The following SEC14L5 variants were observed in gnomAD, a reference collection of about 807,000 sequenced individuals.
SEC14L5 encodes the protein SEC14 like lipid binding 5, also known as SEC14-like protein 5.
A neutral mutation model predicts 84.6 loss-of-function variants in SEC14L5; 96 were observed. That is an observed-to-expected ratio of 1.13 (90% CI 0.96 to 1.34). The LOEUF (loss-of-function observed/expected upper bound fraction) is 1.34, where lower values mean the gene tolerates loss of function less well. SEC14L5 is among the 40% of genes most tolerant of loss of function. The probability of loss-of-function intolerance (pLI) is 0.00; values close to 1 mark genes in which losing one functional copy is unlikely to be tolerated. For missense variants in SEC14L5, 1,224 were observed against 942.5 expected, an observed-to-expected ratio of 1.30 and a Z score of -3.91; for synonymous variants, 546 against 383.4, an observed-to-expected ratio of 1.42 and a Z score of -4.95.
intron 2 of SEC14L5, among the ~76,000 whole-genome samples, chr16:4,977,477 A>AAAAG (rs1174375558): frequency 6.6e-6 from 1 of 150,532 alleles, no homozygotes; most frequent in East Asian, 1.9e-4. Context: ...AAAGGAAAAA[A>AAAAG]AAAGAAAAGA....
At chr16:4,980,130 G>C (rs935701416) in intron 2 of SEC14L5, among the ~76,000 whole-genome samples, 1 of 152,162 alleles carries the variant, frequency 6.6e-6, no homozygotes, top group African/African-American at 2.4e-5. Context: ...TGTAAAATGG[G>C]GAAATGCTAG....
chr16:4,963,417 C>A (rs1172913113), intron 2 of SEC14L5, among the ~76,000 whole-genome samples: 1 of 152,174 alleles, frequency 6.6e-6, no homozygotes, highest in Non-Finnish European at 1.5e-5. Flanking sequence ...ATGATCTTGG[C>A]TGACTGCAAC....
intron 8 of SEC14L5, 86 bp downstream of exon 8, chr16:4,997,130 A>G: frequency 1.0e-6 from 1 of 990,984 alleles, no homozygotes; most frequent in South Asian, 1.8e-5. Flanking sequence ...ATGGGGTCTC[A>G]CTCTGTCACC....
chr16:5,000,957 T>C (rs753379269), intron 10 of SEC14L5, 32 bp downstream of exon 10: 1 of 1,554,666 alleles, frequency 6.4e-7, no homozygotes, highest in Non-Finnish European at 8.8e-7. Context: ...AAATCCCCCC[T>C]AAACAGCAAA....
chr16:4,986,305 G>A (rs1290586174), intron 2 of SEC14L5, among the ~76,000 whole-genome samples: 1 of 151,896 alleles, frequency 6.6e-6, no homozygotes, highest in Non-Finnish European at 1.5e-5. Flanking sequence ...ACGCCCGGCT[G>A]CTTTTTGTAT....
In SEC14L5 at chr16:4,988,110, C is replaced by A. The variant is rs755998975; in HGVS notation, c.214-39C>A. On this transcript the variant is annotated intron_variant, in intron 3 of 15. Coordinates refer to ENST00000251170, the MANE Select transcript of SEC14L5 (RefSeq NM_014692.2). ...CTCTCCATTCCTGTGTGCTCCACGC[C>A]GCCCACCCACCTCCGCCTCCCCGCC... 3.1e-6 allele frequency: 5 copies of A among 1,609,200 alleles called. No homozygotes were observed. In the African/African-American group the frequency reaches 5.3e-5, roughly 17 times the overall value.
rs1338735650 is a variant in SEC14L5, at chr16:5,003,383, G to A, written c.1131-19G>A. On this transcript the variant is annotated intron_variant, in intron 10 of 15. Transcript: ENST00000251170. The stretch of plus-strand genomic sequence containing the variant: ...GGAGGCAGCAGAGCCAGGTGGAGCT[G>A]GGGCTATTTCTGCCACAGCTCCTGG... 2 of 1,606,624 alleles carry A rather than the reference G, an allele frequency of 1.2e-6. No homozygotes were observed. The highest frequency in any genetic ancestry group is 1.7e-6 in the Non-Finnish European group (2 of 1,176,146).
chr16:5,017,860 A>G lies in SEC14L5; in HGVS notation c.*2890A>G, dbSNP rs1955892903. The G allele has an allele frequency of 6.6e-6, 1 of 152,214 alleles. No individual in the cohort carries two copies. The highest frequency in any genetic ancestry group is 6.5e-5 in the Admixed American group (1 of 15,284). The allele number at this position is 152,214 out of a possible 1,614,324, so 9.4% of individuals were successfully genotyped here. A position where few individuals can be genotyped will look rare whatever the true frequency, so the allele number is the denominator to read the frequency against. ...AAATAATCCAAGGAAGGGATTGCCAAGCTTTTGGCTTTTGAATTTCCCCTG... is the reference window on the plus strand; with the variant it reads ...AAATAATCCAAGGAAGGGATTGCCAGGCTTTTGGCTTTTGAATTTCCCCTG... On this transcript the variant is annotated 3_prime_UTR_variant, in exon 16 of 16. Coordinates refer to ENST00000251170, the MANE Select transcript of SEC14L5 (RefSeq NM_014692.2).
At chr16:4,971,281 A>G (rs1955276179) in intron 2 of SEC14L5, among the ~76,000 whole-genome samples, 1 of 152,122 alleles carries the variant, frequency 6.6e-6, no homozygotes, top group African/African-American at 2.4e-5. Context: ...CAACACAGTG[A>G]GACCTTGTCT....
At position 5,010,197 on chromosome 16, in the gene SEC14L5, A is replaced by T. The variant is rs1955783040; in HGVS notation, c.1801-898A>T. Among the ~76,000 whole-genome samples, 11 of 90,862 alleles carry T rather than the reference A, an allele frequency of 1.2e-4. No homozygotes were observed. In the Admixed American group the frequency reaches 1.5e-3, roughly 12 times the overall value. 59.6% of individuals were successfully genotyped at this position (90,862 alleles called of 152,430 possible). On this transcript the variant is annotated intron_variant, in intron 14 of 15. Transcript: ENST00000251170. ...GTCTCTACTAAAAATACAAAAAAAAAAAAAAAAAAAAAAAAAAAAAGCGAG... is the reference window on the plus strand; with the variant it reads ...GTCTCTACTAAAAATACAAAAAAAATAAAAAAAAAAAAAAAAAAAAGCGAG...
chr16:4,983,536 A>T (rs1001147250), intron 2 of SEC14L5, among the ~76,000 whole-genome samples: 1 of 150,026 alleles, frequency 6.7e-6, no homozygotes, highest in Non-Finnish European at 1.5e-5. Flanking sequence ...GTGTATATTT[A>T]TATTAACATA....
In SEC14L5 at chr16:5,000,890, T is replaced by C. The variant is rs1039553914; in HGVS notation, c.1095T>C (p.Cys365=). ...LSVNEEGQKR[C]EGSTRQLGRP... The stretch of plus-strand genomic sequence containing the variant: ...TCAACGAGGAAGGACAGAAGCGGTG[T>C]GAGGGGAGCACAAGGCAGCTGGGCC... Residue 365 remains cysteine, a synonymous_variant, in exon 10 of 16, where the codon TGT becomes TGC. Coordinates refer to ENST00000251170, the MANE Select transcript of SEC14L5 (RefSeq NM_014692.2). The C allele has an allele frequency of 1.2e-6, 2 of 1,609,332 alleles. No homozygotes were observed. Among genetic ancestry groups the C allele is most frequent in the Non-Finnish European group, 1.7e-6 (2 of 1,178,010 alleles).
At chr16:4,998,178 G>C (rs976215288) in intron 8 of SEC14L5, among the ~76,000 whole-genome samples, 1 of 151,230 alleles carries the variant, frequency 6.6e-6, no homozygotes, top group African/African-American at 2.4e-5. Flanking sequence ...GCTAATTTTT[G>C]TACTTTTAGT....
intron 2 of SEC14L5, among the ~76,000 whole-genome samples, chr16:4,968,999 C>T (rs1955239837): frequency 6.6e-6 from 1 of 152,250 alleles, no homozygotes; most frequent in East Asian, 1.9e-4. Flanking sequence ...CAGTTGGATT[C>T]GCTGTTACGG....
At chr16:4,967,358 C>A (rs986276173) in intron 2 of SEC14L5, among the ~76,000 whole-genome samples, 15 of 152,054 alleles carry the variant, frequency 9.9e-5, no homozygotes, top group African/African-American at 3.4e-4. Flanking sequence ...AAGGACACTC[C>A]AATGGCCTCG....
intron 11 of SEC14L5, among the ~76,000 whole-genome samples, chr16:5,005,271 C>A (rs549509845): frequency 4.0e-5 from 6 of 151,510 alleles, no homozygotes; most frequent in East Asian, 2.0e-4. Flanking sequence ...GCCAAGATTG[C>A]GCCATTGCAC....
chr16:5,010,051 G>A (rs1329736528), intron 14 of SEC14L5, among the ~76,000 whole-genome samples: 1 of 151,888 alleles, frequency 6.6e-6, no homozygotes, highest in Non-Finnish European at 1.5e-5. Context: ...AAAAGAAACT[G>A]TAGGTCTTGG....
chr16:4,990,113 A>G (rs1479643184), intron 4 of SEC14L5, among the ~76,000 whole-genome samples: 5 of 151,568 alleles, frequency 3.3e-5, no homozygotes, highest in Admixed American at 1.3e-4. Flanking sequence ...ATATTGATAT[A>G]TAATTTATTT....
At position 4,958,813 on chromosome 16, in the gene SEC14L5, T is replaced by G. The variant is rs536099930; in HGVS notation, c.-52+368T>G. ...TGTGATAGAGACAGTGCCTGTGAAA[T>G]GTGGTGAAGGCTGTGTGTGTATGTC... is the stretch of plus-strand genomic sequence containing the variant. On this transcript the variant is annotated intron_variant, in intron 1 of 15. Coordinates refer to ENST00000251170, the MANE Select transcript of SEC14L5 (RefSeq NM_014692.2). 5.3e-5 allele frequency among the ~76,000 whole-genome samples: 8 copies of G among 151,866 alleles called. No individual in the cohort carries two copies. In the East Asian group the frequency reaches 1.6e-3, roughly 29 times the overall value.
Sources: allele counts gnomAD v4.1 joint callset (sites outside exome capture counted in the v4.1 genomes callset), GRCh38; gene constraint gnomAD v4.1.1; transcripts MANE v1.5; gene names NCBI Gene and HGNC (gene_info 2026-07-23, HGNC 2026-07-21).